The following SEMA3B variants were observed in gnomAD, a reference collection of about 807,000 sequenced individuals.
SEMA3B encodes the protein semaphorin-3B.
A neutral mutation model predicts 77.8 loss-of-function variants in SEMA3B; 71 were observed. That is an observed-to-expected ratio of 0.91 (90% confidence interval 0.75 to 1.11). The LOEUF is 1.11. Ranked by LOEUF, SEMA3B falls within the 50% of genes most tolerant of loss-of-function variation. The pLI, the probability that SEMA3B is intolerant of heterozygous loss-of-function variation, is 0.00. For missense variants in SEMA3B, 968 were observed against 1,056.8 expected (o/e 0.92, Z 1.17); for synonymous variants, 470 against 452.9 (o/e 1.04, Z -0.48).
Position 50,270,785 on chromosome 3 carries a change from C to T in SEMA3B, c.331-105C>T. 6.6e-7 allele frequency: 1 copy of T among 1,509,066 alleles called. No individual in the cohort carries two copies. The highest frequency in any genetic ancestry group is 1.3e-5 in the South Asian group (1 of 77,610). 93.5% of individuals were successfully genotyped at this position (1,509,066 alleles called of 1,614,324 possible). A position where few individuals can be genotyped will look rare whatever the true frequency, so the allele number is the denominator to read the frequency against. ...TCCCTGTAGCCCATGTTAGTACTTG[C>T]CTGGGCTGATGCCGAAGAGAGGGAG... On this transcript the variant is annotated intron_variant, in intron 3 of 16. Coordinates refer to ENST00000616701, the MANE Select transcript of SEMA3B (RefSeq NM_001290060.2). The surrounding 1 kb of genome is among the most constrained non-coding windows in gnomAD (Gnocchi z 4.7).
At position 50,274,698 on chromosome 3, in the gene SEMA3B, C is replaced by T. The variant is rs2109246929; in HGVS notation, c.1357+116C>T. On this transcript the variant is annotated intron_variant, in intron 11 of 16. Transcript: ENST00000616701. This position sits in a 1 kb window ranked among gnomAD's most constrained non-coding sequence, Gnocchi z 4.7. ...TCCTTTCCTGGGCTGTGTCTCCACCCTGTGGATGCTGCCCAACCCACACTC... is the reference window on the plus strand; with the variant it reads ...TCCTTTCCTGGGCTGTGTCTCCACCTTGTGGATGCTGCCCAACCCACACTC... 7.2e-7 allele frequency: 1 copy of T among 1,387,428 alleles called. No homozygotes were observed. 85.9% of individuals were successfully genotyped at this position (1,387,428 alleles called of 1,614,324 possible). A position where few individuals can be genotyped will look rare whatever the true frequency, so the allele number is the denominator to read the frequency against.
rs1553706062 is a variant in SEMA3B, at chr3:50,274,253, AGGGT to A, written c.1138-109_1138-106del. ...TGATCTCCTCTCTAATTCTCAGGGC[AGGGT>A]TCTGTCCCCATCCCCCTCCATGTTC... On this transcript the variant is annotated intron_variant, in intron 10 of 16. Transcript: ENST00000616701. This position sits in a 1 kb window ranked among gnomAD's most constrained non-coding sequence, Gnocchi z 4.7. The A allele has an allele frequency of 1.2e-5, 15 of 1,236,146 alleles. No homozygotes were observed. Among genetic ancestry groups the A allele is most frequent in the Non-Finnish European group, 6.8e-6 (6 of 888,518 alleles). 76.6% of individuals were successfully genotyped at this position (1,236,146 alleles called of 1,614,324 possible).
At position 50,273,466 on chromosome 3, in the gene SEMA3B, C is replaced by T; in HGVS notation, c.810+23C>T. On this transcript the variant is annotated intron_variant, in intron 7 of 16. Transcript: ENST00000616701. This position sits in a 1 kb window ranked among gnomAD's most constrained non-coding sequence, Gnocchi z 6.5. Reference sequence around the variant, plus strand: ...CGGGTGAGGAGTCCCTGGGCCACACCCGGCGACCCTGCCCCTACCCCTTTG... The same window carrying T: ...CGGGTGAGGAGTCCCTGGGCCACACTCGGCGACCCTGCCCCTACCCCTTTG... 1 of 1,611,360 alleles carries T rather than the reference C, an allele frequency of 6.2e-7. No homozygotes were observed. The highest frequency in any genetic ancestry group is 8.5e-7 in the Non-Finnish European group (1 of 1,178,248).
rs782132802 is a variant in SEMA3B at position 50,273,798 on chromosome 3, C to T, written c.962C>T (p.Pro321Leu). The T allele has an allele frequency of 2.5e-6, 4 of 1,589,452 alleles. No individual in the cohort carries two copies. The South Asian group carries it at 4.5e-5, about 18-fold the overall frequency. ...FLLSSRDHRT[P>L]LLYAVFSTSS... Reference sequence around the variant, plus strand: ...TTGTCCTCGCGGGACCACCGGACCCCGCTGCTCTATGCCGTCTTCTCCACG... The same window carrying T: ...TTGTCCTCGCGGGACCACCGGACCCTGCTGCTCTATGCCGTCTTCTCCACG... The change falls in exon 9 of 17, where the codon CCG (proline) becomes CTG (leucine). Residue 321 changes from proline (P) to leucine (L), a missense_variant. Physicochemically the swap from Pro to Leu is moderately conservative, Grantham distance 98. Transcript: ENST00000616701. The surrounding 1 kb of genome is among the most constrained non-coding windows in gnomAD (Gnocchi z 6.5).
rs1242976669 is a variant in SEMA3B at position 50,276,822 on chromosome 3, G to A, written c.*116G>A. The A allele has an allele frequency of 8.0e-7, 1 of 1,243,706 alleles. No homozygotes were observed. Among genetic ancestry groups the A allele is most frequent in the Non-Finnish European group, 1.1e-6 (1 of 947,502 alleles). 77.0% of individuals were successfully genotyped at this position (1,243,706 alleles called of 1,614,324 possible). On this transcript the variant is annotated 3_prime_UTR_variant, in exon 17 of 17. Transcript: ENST00000616701. This position sits in a 1 kb window ranked among gnomAD's most constrained non-coding sequence, Gnocchi z 5.8. ...GGCACATTGGGGGTCACCGGCCGAT[G>A]GAGACACCAACCGACAGGCCCTGGC...
rs1222550568 is a variant in SEMA3B at position 50,274,672 on chromosome 3, A to G, written c.1357+90A>G. The G allele has an allele frequency of 2.8e-6, 4 of 1,451,718 alleles. No individual in the cohort carries two copies. The highest frequency in any genetic ancestry group is 3.7e-6 in the Non-Finnish European group (4 of 1,067,502). The allele number at this position is 1,451,718 out of a possible 1,614,324, so 89.9% of individuals were successfully genotyped here. ...TCTCCCTGTTCAGTCCCATCTCCAC[A>G]TCCTTTCCTGGGCTGTGTCTCCACC... is the stretch of plus-strand genomic sequence containing the variant. On this transcript the variant is annotated intron_variant, in intron 11 of 16. Transcript: ENST00000616701. The surrounding 1 kb of genome is among the most constrained non-coding windows in gnomAD (Gnocchi z 4.7).
upstream of SEMA3B, chr3:50,267,571 C>G (rs587709355): frequency 1.3e-5 from 2 of 152,292 alleles, no homozygotes; most frequent in Non-Finnish European, 2.9e-5. The surrounding 1 kb of genome is among the most constrained non-coding windows in gnomAD (Gnocchi z 5.7). Context: ...CTTTACGGCA[C>G]GGCGGGCGGT....
Position 50,271,103 on chromosome 3 carries a change from C to A in SEMA3B, c.466C>A (p.Leu156Met). 1 of 1,582,438 alleles carries A rather than the reference C, an allele frequency of 6.3e-7. No homozygotes were observed. The highest frequency in any genetic ancestry group is 8.6e-7 in the Non-Finnish European group (1 of 1,164,262). The change falls in exon 5 of 17, where the codon CTG becomes ATG. Residue 156 changes from leucine (L) to methionine (M), a missense_variant. By Grantham distance (15) the Leu-to-Met change is conservative. Coordinates refer to ENST00000616701, the MANE Select transcript of SEMA3B (RefSeq NM_001290060.2). ...CACCTCCCAGGAGCCCGTCCTCCGG[C>A]TGGACCCAGGAAGGATAGAGGATGG... ...GHRAEEPVLR[L>M]DPGRIEDGKG...
rs2109251179 is a variant in SEMA3B, at chr3:50,276,147, C to G, written c.1846-155C>G. The G allele has an allele frequency of 9.4e-7, 1 of 1,063,572 alleles. No individual in the cohort carries two copies. The highest frequency in any genetic ancestry group is 2.8e-5 in the East Asian group (1 of 35,140). 65.9% of individuals were successfully genotyped at this position (1,063,572 alleles called of 1,614,324 possible). On this transcript the variant is annotated intron_variant, in intron 16 of 16. Coordinates refer to ENST00000616701, the MANE Select transcript of SEMA3B (RefSeq NM_001290060.2). The surrounding 1 kb of genome is among the most constrained non-coding windows in gnomAD (Gnocchi z 5.8). Reference sequence around the variant, plus strand: ...GATTCTCCCTTGAAGACCACCAGCTCCCAAACACTCAGCCTTAAAATGTGC... The same window carrying G: ...GATTCTCCCTTGAAGACCACCAGCTGCCAAACACTCAGCCTTAAAATGTGC...
chr3:50,273,346 A>G lies in SEMA3B; in HGVS notation c.713A>G (p.Asp238Gly). Residue 238 changes from aspartate to glycine, a missense_variant, in exon 7 of 17, where the codon GAC (aspartate) becomes GGC (glycine). Physicochemically the swap from Asp to Gly is moderately conservative, Grantham distance 94 (BLOSUM62 -1). Coordinates refer to ENST00000616701, the MANE Select transcript of SEMA3B (RefSeq NM_001290060.2). This position sits in a 1 kb window ranked among gnomAD's most constrained non-coding sequence, Gnocchi z 6.5. ...TGGATCCCGGAGAGCGAGAACCCAG[A>G]CGACGACAAAATCTACTTCTTCTTT... Reference protein sequence around the residue: ...VFWIPESENPDDDKIYFFFRE... With the variant: ...VFWIPESENPGDDKIYFFFRE... 6.2e-7 allele frequency: 1 copy of G among 1,614,004 alleles called. No homozygotes were observed. Among genetic ancestry groups the G allele is most frequent in the Non-Finnish European group, 8.5e-7 (1 of 1,179,868 alleles).
chr3:50,276,881 G>C lies in SEMA3B; in HGVS notation c.*175G>C, dbSNP rs1553706976. On this transcript the variant is annotated 3_prime_UTR_variant, in exon 17 of 17. Coordinates refer to ENST00000616701, the MANE Select transcript of SEMA3B (RefSeq NM_001290060.2). The surrounding 1 kb of genome is among the most constrained non-coding windows in gnomAD (Gnocchi z 5.8). ...GCTGCGCGGGCTTATTTATTAACAG[G>C]ATAACCCTTGAATGTAGCAGCCCCG... The C allele has an allele frequency of 1.4e-6, 1 of 734,228 alleles. No homozygotes were observed. The highest frequency in any genetic ancestry group is 3.8e-5 in the Admixed American group (1 of 26,378). 45.5% of individuals were successfully genotyped at this position (734,228 alleles called of 1,614,324 possible).
At position 50,274,016 on chromosome 3, in the gene SEMA3B, G is replaced by A; in HGVS notation, c.1096G>A (p.Val366Met). 1 of 1,613,598 alleles carries A rather than the reference G, an allele frequency of 6.2e-7. No individual in the cohort carries two copies. The highest frequency in any genetic ancestry group is 1.7e-4 in the Middle Eastern group (1 of 6,048). ...AHKEGPMHQW[V>M]SYQGRVPYPR... Reference sequence around the variant, plus strand: ...CAAGGAGGGGCCCATGCACCAGTGGGTGTCATACCAGGGTCGCGTCCCCTA... The same window carrying A: ...CAAGGAGGGGCCCATGCACCAGTGGATGTCATACCAGGGTCGCGTCCCCTA... The change falls in exon 10 of 17, where the codon GTG (valine) becomes ATG (methionine). Residue 366 changes from valine (V) to methionine (M), a missense_variant. Val to Met is a conservative substitution (Grantham distance 21). Coordinates refer to ENST00000616701, the MANE Select transcript of SEMA3B (RefSeq NM_001290060.2). The surrounding 1 kb of genome is among the most constrained non-coding windows in gnomAD (Gnocchi z 4.7).
upstream of SEMA3B, chr3:50,269,108 G>T: frequency 1.5e-6 from 1 of 669,248 alleles, no homozygotes; most frequent in East Asian, 2.8e-5. The surrounding 1 kb of genome is among the most constrained non-coding windows in gnomAD (Gnocchi z 4.0). Context: ...TGATCCCTGG[G>T]GACTCCCCCC....
chr3:50,269,196 T>C lies in SEMA3B; in HGVS notation c.-45T>C, dbSNP rs1700975184. On this transcript the variant is annotated 5_prime_UTR_variant, in exon 1 of 17. Coordinates refer to ENST00000616701, the MANE Select transcript of SEMA3B (RefSeq NM_001290060.2). This position sits in a 1 kb window ranked among gnomAD's most constrained non-coding sequence, Gnocchi z 4.0. ...AGAGTCCAGGGCAGCTCAAGGCTCC[T>C]CCACACACACACCCGCTGAACCCTG... The C allele has an allele frequency of 2.1e-6, 3 of 1,400,914 alleles. No individual in the cohort carries two copies. The highest frequency in any genetic ancestry group is 2.9e-6 in the Non-Finnish European group (3 of 1,024,094). 86.8% of individuals were successfully genotyped at this position (1,400,914 alleles called of 1,614,324 possible). A position where few individuals can be genotyped will look rare whatever the true frequency, so the allele number is the denominator to read the frequency against.
rs1448702974 is a variant in SEMA3B at position 50,275,904 on chromosome 3, GC to G, written c.1845+64del. ...GTCCCACCCCCTGCATCCAGGAGAG[GC>G]CCCGCCCTACCCAACGAAGCCCCGT... is the stretch of plus-strand genomic sequence containing the variant. On this transcript the variant is annotated intron_variant, in intron 16 of 16. Transcript: ENST00000616701. The surrounding 1 kb of genome is among the most constrained non-coding windows in gnomAD (Gnocchi z 7.5). 1.1e-5 allele frequency: 17 copies of G among 1,514,868 alleles called. No homozygotes were observed. The highest frequency in any genetic ancestry group is 1.5e-5 in the Non-Finnish European group (17 of 1,137,822). 93.8% of individuals were successfully genotyped at this position (1,514,868 alleles called of 1,614,324 possible). A position where few individuals can be genotyped will look rare whatever the true frequency, so the allele number is the denominator to read the frequency against.
At position 50,273,884 on chromosome 3, in the gene SEMA3B, C is replaced by G. The variant is rs980885493; in HGVS notation, c.993-29C>G. 1.9e-6 allele frequency: 3 copies of G among 1,580,236 alleles called. No individual in the cohort carries two copies. Among genetic ancestry groups the G allele is most frequent in the East Asian group, 2.3e-5 (1 of 43,570 alleles). ...GCGGGCCGCTGGGCTCCACCCGGCC[C>G]CTCACCTCGCCCTGGTCTTCGCCTC... On this transcript the variant is annotated intron_variant, in intron 9 of 16. Coordinates refer to ENST00000616701, the MANE Select transcript of SEMA3B (RefSeq NM_001290060.2). The surrounding 1 kb of genome is among the most constrained non-coding windows in gnomAD (Gnocchi z 6.5).
At position 50,276,127 on chromosome 3, in the gene SEMA3B, T is replaced by G; in HGVS notation, c.1846-175T>G. 1.1e-6 allele frequency: 1 copy of G among 916,788 alleles called. No homozygotes were observed. Among genetic ancestry groups the G allele is most frequent in the African/African-American group, 1.7e-5 (1 of 57,628 alleles). The allele number at this position is 916,788 out of a possible 1,614,324, so 56.8% of individuals were successfully genotyped here. A position where few individuals can be genotyped will look rare whatever the true frequency, so the allele number is the denominator to read the frequency against. On this transcript the variant is annotated intron_variant, in intron 16 of 16. Transcript: ENST00000616701. The surrounding 1 kb of genome is among the most constrained non-coding windows in gnomAD (Gnocchi z 5.8). Reference sequence around the variant, plus strand: ...TGTAAACCCCGCCTCTTTCGGATTCTCCCTTGAAGACCACCAGCTCCCAAA... The same window carrying G: ...TGTAAACCCCGCCTCTTTCGGATTCGCCCTTGAAGACCACCAGCTCCCAAA...
intron 6 of SEMA3B, among the ~76,000 whole-genome samples, chr3:50,272,855 A>AAATAATAATAATAAT (rs55666696): frequency 0.15 from 22,141 of 145,396 alleles, 1,885 homozygotes; most frequent in Middle Eastern, 0.22. Flanking sequence ...ATAAATAAAC[A>AAATAATAATAATAAT]AATAATAATA....
rs781807851 is a variant in SEMA3B at position 50,270,974 on chromosome 3, A to G, written c.415A>G (p.Thr139Ala). ...LACGTGAFHP[T>A]CAFVEVGHRA... is the part of the protein sequence containing the mutation. ...CTGTGGCACGGGAGCCTTCCACCCA[A>G]CCTGTGCCTTTGTGGAAGTGGGCCA... The change falls in exon 4 of 17, where the codon ACC becomes GCC. Residue 139 changes from threonine to alanine, a missense_variant. Transcript: ENST00000616701. The surrounding 1 kb of genome is among the most constrained non-coding windows in gnomAD (Gnocchi z 4.7). 2.5e-6 allele frequency: 4 copies of G among 1,610,170 alleles called. No individual in the cohort carries two copies. The highest frequency in any genetic ancestry group is 8.5e-7 in the Non-Finnish European group (1 of 1,178,252).
Sources: gnomAD v4.1 joint callset for allele counts (sites outside exome capture counted in the v4.1 genomes callset) on GRCh38, gnomAD v4.1.1 for gene constraint, Gnocchi (gnomAD v3.1) non-coding constraint, MANE v1.5 for transcripts, NCBI Gene and HGNC (gene_info 2026-07-23, HGNC 2026-07-21) for gene names.